The following OR1J2 variants were observed in gnomAD, a reference collection of about 807,000 sequenced individuals.
OR1J2 encodes the protein olfactory receptor family 1 subfamily J member 2, also known as olfactory receptor 1J2.
For synonymous variants in OR1J2, 142 were observed against 99.7 expected (o/e 1.42, Z -2.52); for missense variants, 304 against 246.1 (o/e 1.24, Z -1.57).
the OR1J2 span, among the ~76,000 whole-genome samples, chr9:122,463,733 T>C: frequency 2.0e-5 from 3 of 152,212 alleles, no homozygotes; most frequent in African/African-American, 7.2e-5. Flanking sequence ...TACTGGGCTC[T>C]GGGCTGGTAT....
chr9:122,525,299 G>T, the OR1J2 span, among the ~76,000 whole-genome samples: 2 of 152,120 alleles, frequency 1.3e-5, no homozygotes, highest in Non-Finnish European at 2.9e-5. Context: ...TTCCATGAAA[G>T]ATGCTCCATA....
chr9:122,486,761 G>T, the OR1J2 span, among the ~76,000 whole-genome samples: 1 of 152,158 alleles, frequency 6.6e-6, no homozygotes, highest in African/African-American at 2.4e-5. Context: ...TGAAAATGAT[G>T]GGGAGGTCAT....
chr9:122,454,671 TC>T, the OR1J2 span, among the ~76,000 whole-genome samples: 7 of 152,156 alleles, frequency 4.6e-5, no homozygotes, highest in African/African-American at 1.7e-4. Flanking sequence ...GATTAAGCTT[TC>T]CAGAACTGCT....
the OR1J2 span, among the ~76,000 whole-genome samples, chr9:122,505,663 T>G: frequency 6.6e-6 from 1 of 152,180 alleles, no homozygotes; most frequent in African/African-American, 2.4e-5. Context: ...AAATACTTCT[T>G]TATTTGTCCT....
chr9:122,538,833 G>A, the OR1J2 span, among the ~76,000 whole-genome samples: 1 of 151,946 alleles, frequency 6.6e-6, no homozygotes, highest in Non-Finnish European at 1.5e-5. Flanking sequence ...CTAAACAATG[G>A]GTATACATGA....
At chr9:122,569,659 CATTTTATTTTATTTTATTTT>C in the OR1J2 span, among the ~76,000 whole-genome samples, 6 of 150,380 alleles carry the variant, frequency 4.0e-5, no homozygotes, top group Non-Finnish European at 8.9e-5. Flanking sequence ...GAAACAACTT[CATTTTATTTTATTTTATTTT>C]ATTTTATTTT....
the OR1J2 span, among the ~76,000 whole-genome samples, chr9:122,465,446 T>C: frequency 6.6e-6 from 1 of 152,182 alleles, no homozygotes; most frequent in Non-Finnish European, 1.5e-5. Context: ...CCCTGCAGGC[T>C]CTATGTTTTA....
At chr9:122,471,811 G>T in the OR1J2 span, among the ~76,000 whole-genome samples, 3 of 152,142 alleles carry the variant, frequency 2.0e-5, no homozygotes, top group Non-Finnish European at 4.4e-5. Flanking sequence ...ACAGAATTGG[G>T]CATCTGAGGC....
chr9:122,556,895 C>T, the OR1J2 span, among the ~76,000 whole-genome samples: 111 of 150,184 alleles, frequency 7.4e-4, no homozygotes, highest in Non-Finnish European at 1.3e-3. Flanking sequence ...TGGAATATCT[C>T]TTCATTTATT....
At chr9:122,484,351 G>A in the OR1J2 span, among the ~76,000 whole-genome samples, 7 of 151,990 alleles carry the variant, frequency 4.6e-5, no homozygotes, top group South Asian at 2.1e-4. Flanking sequence ...TAGTAGAGAC[G>A]GAGTTTCACC....
the OR1J2 span, chr9:122,526,966 T>G: frequency 6.2e-7 from 1 of 1,614,196 alleles, no homozygotes; most frequent in South Asian, 1.1e-5. Flanking sequence ...AGGAAGAAGC[T>G]GTCTAGATCA....
chr9:122,557,433 T>A, the OR1J2 span, among the ~76,000 whole-genome samples: 1 of 152,128 alleles, frequency 6.6e-6, no homozygotes, highest in African/African-American at 2.4e-5. Flanking sequence ...GTTGGATTTT[T>A]GTGAAGTGCT....
At chr9:122,528,362 C>A in the OR1J2 span, among the ~76,000 whole-genome samples, 1 of 152,076 alleles carries the variant, frequency 6.6e-6, no homozygotes, top group African/African-American at 2.4e-5. Flanking sequence ...TTTGGGAGAC[C>A]GAGGCAGGCG....
the OR1J2 span, among the ~76,000 whole-genome samples, chr9:122,523,536 T>C: frequency 6.6e-6 from 1 of 152,176 alleles, no homozygotes; most frequent in East Asian, 1.9e-4. Flanking sequence ...AAGGTCATTG[T>C]ACATTCAGGT....
the OR1J2 span, among the ~76,000 whole-genome samples, chr9:122,521,915 C>G: frequency 2.6e-5 from 4 of 152,180 alleles, no homozygotes; most frequent in Non-Finnish European, 5.9e-5. Flanking sequence ...GACTTTTCCT[C>G]AAGAAATGGC....
rs201194266 is a variant in OR1J2, at chr9:122,510,961, C to T, written c.160C>T (p.His54Tyr). 40 of 1,612,410 alleles carry T rather than the reference C, an allele frequency of 2.5e-5. 2 individuals carry two copies. The Middle Eastern group carries it at 6.6e-4, about 27-fold the overall frequency. ...LIMLLIQLDSHLHTPMYFFLS... is the reference protein window; with the variant it reads ...LIMLLIQLDSYLHTPMYFFLS... ...CATGCTGCTCATCCAGCTGGACTCT[C>T]ACCTTCACACCCCCATGTACTTCTT... is the stretch of plus-strand genomic sequence containing the variant. The change falls in exon 1 of 1, where the codon CAC (histidine) becomes TAC (tyrosine). Residue 54 changes from histidine (H) to tyrosine (Y), a missense_variant. By Grantham distance (83) the His-to-Tyr change is moderately conservative. Transcript: ENST00000335302.
the OR1J2 span, among the ~76,000 whole-genome samples, chr9:122,517,424 T>C: frequency 6.6e-6 from 1 of 152,194 alleles, no homozygotes; most frequent in Non-Finnish European, 1.5e-5. Flanking sequence ...AAGGATGGTA[T>C]TCTCATATGA....
the OR1J2 span, among the ~76,000 whole-genome samples, chr9:122,528,877 C>T: frequency 6.6e-6 from 1 of 152,204 alleles, no homozygotes; most frequent in Non-Finnish European, 1.5e-5. Context: ...TCAATGCTCT[C>T]AGACAGGTGT....
chr9:122,560,155 C>CT, the OR1J2 span, among the ~76,000 whole-genome samples: 916 of 150,892 alleles, frequency 6.1e-3, 10 homozygotes, highest in East Asian at 0.043. Context: ...CACAACCCCT[C>CT]TTTTTTTTTG....
Sources: allele counts gnomAD v4.1 joint callset (sites outside exome capture counted in the v4.1 genomes callset), GRCh38; gene constraint gnomAD v4.1.1; transcripts MANE v1.5; gene names NCBI Gene and HGNC (gene_info 2026-07-23, HGNC 2026-07-21).